Variants in SUSD1 observed in about 807,000 individuals in gnomAD.
The protein encoded by SUSD1 is sushi domain-containing protein 1.
In SUSD1, 65 loss-of-function variants were observed where a neutral mutation model predicts 86.9. The observed-to-expected ratio is 0.75, with a 90% CI of 0.61 to 0.92. The LOEUF (loss-of-function observed/expected upper bound fraction) is 0.92. SUSD1 is among the 40% of genes least tolerant of loss of function. SUSD1 has a pLI of 0.00. For missense variants in SUSD1, 850 were observed against 929.7 expected, an observed-to-expected ratio of 0.91 and a Z score of 1.11; for synonymous variants, 346 against 350.0, an observed-to-expected ratio of 0.99 and a Z score of 0.13.
intron 8 of SUSD1, chr9:112,103,198 C>A (rs1435618235): frequency 1.1e-5 from 5 of 453,592 alleles, no homozygotes; most frequent in Admixed American, 8.0e-5. Context: ...TTATTTTAGT[C>A]AAGATCAGAA....
intron 1 of SUSD1, among the ~76,000 whole-genome samples, chr9:112,170,692 C>CATATATATATATATATAT (rs3983405): frequency 8.3e-5 from 10 of 120,066 alleles, no homozygotes; most frequent in South Asian, 2.9e-4. Context: ...ATGGCCAGAT[C>CATATATATATATATATAT]ATATATATAT....
intron 6 of SUSD1, among the ~76,000 whole-genome samples, chr9:112,115,245 T>C (rs1265841538): frequency 1.3e-5 from 2 of 152,186 alleles, no homozygotes; most frequent in Non-Finnish European, 2.9e-5. Context: ...CCAGATCTAC[T>C]GACCTCTCTG....
At chr9:112,174,396 C>T (rs1009960721) in intron 1 of SUSD1, among the ~76,000 whole-genome samples, 1 of 152,282 alleles carries the variant, frequency 6.6e-6, no homozygotes, top group Non-Finnish European at 1.5e-5. Flanking sequence ...AATGTCACCT[C>T]CCCTGCGTGT....
chr9:112,051,330 A>G (rs1233687796), intron 15 of SUSD1, among the ~76,000 whole-genome samples: 1 of 150,862 alleles, frequency 6.6e-6, no homozygotes, highest in Non-Finnish European at 1.5e-5. Context: ...CCCAGCTTTC[A>G]GTTGTCTTCC....
At chr9:112,109,568 G>A (rs1238580597) in intron 8 of SUSD1, among the ~76,000 whole-genome samples, 1 of 152,138 alleles carries the variant, frequency 6.6e-6, no homozygotes, top group Admixed American at 6.5e-5. Context: ...AAATAACTCA[G>A]CCATGATCAG....
chr9:112,174,401 G>A (rs774463279), intron 1 of SUSD1, among the ~76,000 whole-genome samples: 3 of 152,090 alleles, frequency 2.0e-5, no homozygotes, highest in Non-Finnish European at 2.9e-5. Context: ...CACCTCCCCT[G>A]CGTGTCTGAA....
At chr9:112,112,361 G>A (rs1038797264) in intron 7 of SUSD1, among the ~76,000 whole-genome samples, 12 of 152,196 alleles carry the variant, frequency 7.9e-5, no homozygotes, top group Middle Eastern at 3.2e-3. Flanking sequence ...GAGGCCAGGC[G>A]CGGTGGCTCA....
chr9:112,108,774 C>CAAAAAAAAAAAAAAAAAAAAAAA (rs11312103), intron 8 of SUSD1, among the ~76,000 whole-genome samples: 2 of 68,604 alleles, frequency 2.9e-5, no homozygotes, highest in African/African-American at 4.8e-5. Flanking sequence ...CTGGGTGTCT[C>CAAAAAAAAAAAAAAAAAAAAAAA]AAAAAAAAAA....
intron 2 of SUSD1, among the ~76,000 whole-genome samples, chr9:112,152,144 A>C (rs1454340995): frequency 6.6e-6 from 1 of 150,930 alleles, no homozygotes; most frequent in East Asian, 2.0e-4. Flanking sequence ...CGGAGGTTGC[A>C]GTGAGCCGAG....
At chr9:112,110,526 A>G (rs998064343) in intron 8 of SUSD1, among the ~76,000 whole-genome samples, 6 of 151,568 alleles carry the variant, frequency 4.0e-5, no homozygotes, top group South Asian at 4.2e-4. Context: ...AACTGGGACT[A>G]TAGGCATGCA....
At chr9:112,127,933 G>A (rs1831850016) in intron 5 of SUSD1, among the ~76,000 whole-genome samples, 1 of 151,862 alleles carries the variant, frequency 6.6e-6, no homozygotes, top group African/African-American at 2.4e-5. Context: ...CTCCCGAGGA[G>A]CTGGGACCAC....
chr9:112,124,271 GT>G lies in SUSD1; in HGVS notation c.871del (p.Thr291LeufsTer2). 6.2e-7 allele frequency: 1 copy of G among 1,613,574 alleles called. No individual in the cohort carries two copies. The highest frequency in any genetic ancestry group is 8.5e-7 in the Non-Finnish European group (1 of 1,179,714). Reference protein sequence around the residue: ...CTEKGTWRESTLTCTEILTKI... With the variant: ...CTEKGTWRESXLTCTEILTKI... ...AGAATCTGTACCTGTGCATGTTAAAGTACTTTCTCTCCAGGTGCCTTTCTCT... is the reference window on the plus strand; with the variant it reads ...AGAATCTGTACCTGTGCATGTTAAAGACTTTCTCTCCAGGTGCCTTTCTCT... On this transcript the variant is annotated frameshift_variant, in exon 6 of 17. Coordinates refer to ENST00000374270, the MANE Select transcript of SUSD1 (RefSeq NM_022486.5). LOFTEE classifies it high-confidence loss of function.
chr9:112,159,137 A>G (rs1407143328), intron 1 of SUSD1, among the ~76,000 whole-genome samples: 1 of 152,192 alleles, frequency 6.6e-6, no homozygotes, highest in Non-Finnish European at 1.5e-5. Context: ...AAAACATCCA[A>G]ATCTACCAGA....
At chr9:112,115,088 A>G (rs1422947750) in intron 6 of SUSD1, among the ~76,000 whole-genome samples, 1 of 152,154 alleles carries the variant, frequency 6.6e-6, no homozygotes, top group East Asian at 1.9e-4. Context: ...CATGTCAGAA[A>G]ATGACTCTCC....
Position 112,047,142 on chromosome 9 carries a change from C to G in SUSD1, c.2150-5182G>C, listed in dbSNP as rs1827990550. On this transcript the variant is annotated intron_variant, in intron 15 of 16. Transcript: ENST00000374270. ...TACAGGAGGCAAGGCTAGGGAGGCC[C>G]CAAGAAATGTACCATCAAGGCAGAA... 2.0e-5 allele frequency among the ~76,000 whole-genome samples: 3 copies of G among 152,150 alleles called. No individual in the cohort carries two copies. In the South Asian group the frequency reaches 6.2e-4, roughly 32 times the overall value.
intron 10 of SUSD1, among the ~76,000 whole-genome samples, chr9:112,089,743 C>T (rs1027436568): frequency 2.1e-5 from 3 of 146,268 alleles, no homozygotes; most frequent in Admixed American, 7.1e-5. Context: ...ACCCGGGAGG[C>T]GGAAGTTGCA....
rs548735663 is a variant in SUSD1, at chr9:112,079,565, A to T, written c.1566+509T>A. On this transcript the variant is annotated intron_variant, in intron 11 of 16. Transcript: ENST00000374270. ...AAGAGACACCCTTTTGTTCTTACTT[A>T]ATTTCTTCCAGTAGAAGTTCATCCC... 2.0e-5 allele frequency among the ~76,000 whole-genome samples: 3 copies of T among 150,344 alleles called. No individual in the cohort carries two copies. In the South Asian group the frequency reaches 6.3e-4, roughly 32 times the overall value.
intron 8 of SUSD1, among the ~76,000 whole-genome samples, chr9:112,109,859 G>T (rs1415744165): frequency 6.6e-6 from 1 of 152,120 alleles, no homozygotes; most frequent in Admixed American, 6.6e-5. Flanking sequence ...TACTTGCAAA[G>T]AATTAATTTT....
chr9:112,165,235 T>C (rs1833730828), intron 1 of SUSD1, among the ~76,000 whole-genome samples: 1 of 152,210 alleles, frequency 6.6e-6, no homozygotes, highest in African/African-American at 2.4e-5. Context: ...AGGCATGCAA[T>C]GCGTAGTAAT....
Sources: gnomAD v4.1 joint callset for allele counts (sites outside exome capture counted in the v4.1 genomes callset) on GRCh38, gnomAD v4.1.1 for gene constraint, MANE v1.5 for transcripts, NCBI Gene and HGNC (gene_info 2026-07-23, HGNC 2026-07-21) for gene names.